The following EPB41L1 variants were observed in gnomAD, a reference collection of about 807,000 sequenced individuals.
EPB41L1 encodes band 4.1-like protein 1.
A neutral mutation model predicts 97.8 loss-of-function variants in EPB41L1; 29 were observed. The ratio of observed to expected loss-of-function variants is 0.30; its 90% CI spans 0.22 to 0.40. EPB41L1 has a LOEUF of 0.40. Ranked by LOEUF, EPB41L1 falls within the 10% of genes least tolerant of loss-of-function variation. The probability of loss-of-function intolerance (pLI) is 1.00; values close to 1 mark genes in which losing one functional copy is unlikely to be tolerated. For synonymous variants in EPB41L1, 383 were observed against 459.2 expected, an observed-to-expected ratio of 0.83 and a Z score of 2.12; for missense variants, 812 against 1,162.3, an observed-to-expected ratio of 0.70 and a Z score of 4.38.
chr20:36,132,569 G>C (rs918092208), intron 2 of EPB41L1, among the ~76,000 whole-genome samples: 1 of 67,828 alleles, frequency 1.5e-5, no homozygotes, highest in African/African-American at 4.2e-5. Context: ...TTTGTGGGCG[G>C]GGGGGGGGGG....
intron 17 of EPB41L1, among the ~76,000 whole-genome samples, chr20:36,216,852 T>C (rs150355596): frequency 2.1e-4 from 32 of 152,146 alleles, no homozygotes; most frequent in Non-Finnish European, 3.5e-4. Flanking sequence ...AAGGGATGCC[T>C]GGAGGGGGGA....
chr20:36,175,434 C>T (rs769095941), intron 2 of EPB41L1, 117 bp from the exon 3 acceptor site: 3 of 1,261,142 alleles, frequency 2.4e-6, no homozygotes, highest in East Asian at 2.3e-5. Context: ...CAGACGGTAG[C>T]GACTTTCATT....
At chr20:36,147,048 G>A (rs1171607741) in intron 2 of EPB41L1, among the ~76,000 whole-genome samples, 3 of 152,042 alleles carry the variant, frequency 2.0e-5, no homozygotes, top group African/African-American at 7.2e-5. Flanking sequence ...TTAGGGGGCT[G>A]AGGTAGGAGG....
Position 36,173,913 on chromosome 20 carries a change from G to C in EPB41L1, c.136G>C (p.Glu46Gln). Residue 46 changes from glutamate (E) to glutamine (Q), a missense_variant, in exon 2 of 22, where the codon GAG becomes CAG. This residue lies in a region of EPB41L1 where 84 missense variants were observed against 94.3 expected (regional missense o/e 0.89). Transcript: ENST00000338074. ...GHGHPEANSN[E>Q]KHPSQQDTRP... is the part of the protein sequence containing the mutation. ...CGGCCACCCAGAGGCCAACTCCAAT[G>C]AGAAGCATCCATCCCAGCAGGACAC... 2 of 1,613,990 alleles carry C rather than the reference G, an allele frequency of 1.2e-6. No homozygotes were observed. Among genetic ancestry groups the C allele is most frequent in the Non-Finnish European group, 1.7e-6 (2 of 1,179,946 alleles).
chr20:36,201,430 G>C (rs996520819), intron 14 of EPB41L1, among the ~76,000 whole-genome samples: 1 of 152,186 alleles, frequency 6.6e-6, no homozygotes, highest in African/African-American at 2.4e-5. Flanking sequence ...TCTATGCTTA[G>C]GGTCAGGGGT....
chr20:36,201,258 C>T (rs995789585), intron 14 of EPB41L1, among the ~76,000 whole-genome samples: 2 of 152,134 alleles, frequency 1.3e-5, no homozygotes, highest in African/African-American at 2.4e-5. Flanking sequence ...CCTTTGGCCT[C>T]GAAGGAGAGG....
intron 7 of EPB41L1, among the ~76,000 whole-genome samples, chr20:36,186,491 A>C (rs370109107): frequency 6.6e-6 from 1 of 152,064 alleles, no homozygotes; most frequent in Admixed American, 6.5e-5. Context: ...GGGTGTGATG[A>C]ATGCTAGGTC....
intron 1 of EPB41L1, among the ~76,000 whole-genome samples, chr20:36,103,122 C>T (rs2058069989): frequency 6.6e-6 from 1 of 152,198 alleles, no homozygotes; most frequent in Non-Finnish European, 1.5e-5. Context: ...TCTTTAACTC[C>T]TCTGCACTCC....
At chr20:36,191,046 G>A (rs913121807) in intron 11 of EPB41L1, among the ~76,000 whole-genome samples, 2 of 152,130 alleles carry the variant, frequency 1.3e-5, no homozygotes, top group Admixed American at 6.5e-5. Context: ...TCCCTGAGTC[G>A]TGGTCTTTTG....
intron 1 of EPB41L1, among the ~76,000 whole-genome samples, chr20:36,160,537 C>T (rs2060486030): frequency 6.6e-6 from 1 of 151,854 alleles, no homozygotes; most frequent in Admixed American, 6.6e-5. Context: ...GGGCAGTGAG[C>T]CGAGATTGCG....
chr20:36,156,784 G>T (rs2060319211), intron 1 of EPB41L1, among the ~76,000 whole-genome samples: 1 of 152,196 alleles, frequency 6.6e-6, no homozygotes, highest in African/African-American at 2.4e-5. Flanking sequence ...AGAGCTGAGA[G>T]GATGCCAGGT....
At chr20:36,116,249 T>C (rs2058580677) in intron 2 of EPB41L1, among the ~76,000 whole-genome samples, 1 of 151,556 alleles carries the variant, frequency 6.6e-6, no homozygotes, top group Non-Finnish European at 1.5e-5. Flanking sequence ...GACATTCAGT[T>C]CAGGGAGGGA....
rs766997205 is a variant in EPB41L1 at position 36,173,961 on chromosome 20, G to A, written c.177+7G>A. The A allele has an allele frequency of 1.7e-5, 27 of 1,610,146 alleles. No homozygotes were observed. Among genetic ancestry groups the A allele is most frequent in the East Asian group, 2.2e-5 (1 of 44,674 alleles). ...CACGCGGCCTGCTGAACAGGTGTGTGCCCGAGAGCATGGGCGTACCTTTCC... is the reference window on the plus strand; with the variant it reads ...CACGCGGCCTGCTGAACAGGTGTGTACCCGAGAGCATGGGCGTACCTTTCC... On this transcript the variant is annotated splice_region_variant and intron_variant, in intron 2 of 21. Transcript: ENST00000338074.
rs550265601 is a variant in EPB41L1, at chr20:36,186,229, G to C, written c.785+894G>C. On this transcript the variant is annotated intron_variant, in intron 7 of 21. Transcript: ENST00000338074. ...AGGAGCCCTTGGAACTAAATGATTTGTAGGGTCCTTTTAAGCTGGAAGTAT... is the reference window on the plus strand; with the variant it reads ...AGGAGCCCTTGGAACTAAATGATTTCTAGGGTCCTTTTAAGCTGGAAGTAT... 9.9e-5 allele frequency among the ~76,000 whole-genome samples: 15 copies of C among 152,278 alleles called. No homozygotes were observed. The South Asian group carries it at 2.9e-3, about 29-fold the overall frequency.
At chr20:36,173,681 T>A (rs1014208690) in intron 1 of EPB41L1, 83 bp from the exon 2 acceptor site, 2 of 1,272,270 alleles carry the variant, frequency 1.6e-6, no homozygotes, top group African/African-American at 2.9e-5. Flanking sequence ...CATCTGTCTC[T>A]CTCCGCGTGT....
chr20:36,212,282 C>T lies in EPB41L1; in HGVS notation c.2090C>T (p.Thr697Ile). 6.2e-7 allele frequency: 1 copy of T among 1,614,212 alleles called. No homozygotes were observed. Among genetic ancestry groups the T allele is most frequent in the Non-Finnish European group, 8.5e-7 (1 of 1,180,040 alleles). ...PDMPQFEPVK[T>I]ETMTVSSLAI... ...CTCCTTTTCCTACAGCCCGTGAAAA[C>T]AGAAACCATGACTGTCAGCAGTCTG... Residue 697 changes from threonine (T) to isoleucine (I), a missense_variant, in exon 16 of 22, where the codon ACA becomes ATA. Transcript: ENST00000338074. This position sits in a 1 kb window ranked among gnomAD's most constrained non-coding sequence, Gnocchi z 4.8.
chr20:36,116,291 G>T (rs2058581708), intron 2 of EPB41L1, among the ~76,000 whole-genome samples: 1 of 152,082 alleles, frequency 6.6e-6, no homozygotes, highest in Non-Finnish European at 1.5e-5. Flanking sequence ...GAGAAGCAGG[G>T]GTAGTGAAGT....
chr20:36,186,433 G>T (rs1483146760), intron 7 of EPB41L1, among the ~76,000 whole-genome samples: 1 of 152,090 alleles, frequency 6.6e-6, no homozygotes, highest in Non-Finnish European at 1.5e-5. Flanking sequence ...GGAGAGGAGG[G>T]CTAGAGTCAG....
intron 2 of EPB41L1, among the ~76,000 whole-genome samples, chr20:36,145,710 A>C (rs981271253): frequency 3.9e-5 from 6 of 152,238 alleles, no homozygotes; most frequent in Non-Finnish European, 8.8e-5. Context: ...GAAATGTTCT[A>C]CATCTGCACC....
Sources: gnomAD v4.1 joint callset for allele counts (sites outside exome capture counted in the v4.1 genomes callset) on GRCh38, gnomAD v4.1.1 for gene constraint, gnomAD v4.1.1 regional missense constraint, Gnocchi (gnomAD v3.1) non-coding constraint, MANE v1.5 for transcripts, NCBI Gene and HGNC (gene_info 2026-07-23, HGNC 2026-07-21) for gene names.